DHRSX: variants seen among roughly 807,000 people sequenced by gnomAD.
DHRSX encodes the protein polyprenol dehydrogenase.
DHRSX carries 31 observed loss-of-function variants against 34.0 expected under a neutral mutation model. That is an observed-to-expected ratio of 0.91 (90% CI 0.69 to 1.23). The LOEUF is 1.23. Among genes scored for constraint, DHRSX ranks in the 50% most tolerant of loss-of-function variants. The pLI is 0.00. For synonymous variants in DHRSX, 201 were observed against 183.8 expected (o/e 1.09, Z -0.76); for missense variants, 414 against 428.1 (o/e 0.97, Z 0.29).
intron 3 of DHRSX, among the ~76,000 whole-genome samples, chrX:2,371,683 TTATCACCGCCCCTCCTCCTCC>T (rs2043073548): frequency 1.3e-5 from 1 of 75,972 alleles, no homozygotes; most frequent in Non-Finnish European, 4.4e-5. Flanking sequence ...CCTCCTCCCA[TTATCACCGCCCCTCCTCCTCC>T]CATTATCACA....
intron 5 of DHRSX, among the ~76,000 whole-genome samples, chrX:2,259,377 T>TAGATATAG (rs1569480947): frequency 1.4e-5 from 1 of 69,810 alleles, no homozygotes; most frequent in African/African-American, 7.8e-5. Context: ...TATATATAGA[T>TAGATATAG]ATATATATAG....
At chrX:2,406,870 C>A (rs1234224702) in intron 3 of DHRSX, among the ~76,000 whole-genome samples, 1 of 152,134 alleles carries the variant, frequency 6.6e-6, no homozygotes. Flanking sequence ...TTCCTCAAAT[C>A]ATTAAAAATA....
chrX:2,292,823 G>A (rs938667953), intron 3 of DHRSX, among the ~76,000 whole-genome samples: 2 of 151,634 alleles, frequency 1.3e-5, no homozygotes, highest in African/African-American at 4.8e-5. Flanking sequence ...TAGTAAGTAT[G>A]AGCTCTTCCA....
At position 2,359,532 on chromosome X, in the gene DHRSX, T is replaced by A. The variant is rs763552938; in HGVS notation, c.286+49213A>T. On this transcript the variant is annotated intron_variant, in intron 3 of 6. Transcript: ENST00000334651. ...GTCTCTACTAAAAATACAAAAAAAT[T>A]AGCTGGGCGTGGGGGCGTGCACCTG... Among the ~76,000 whole-genome samples, 388 of 151,988 alleles carry A rather than the reference T, an allele frequency of 2.6e-3. 1 individual carries two copies. Among genetic ancestry groups the A allele is most frequent in the African/African-American group, 8.8e-3 (365 of 41,432 alleles).
chrX:2,397,064 G>A (rs1481510493), intron 3 of DHRSX, among the ~76,000 whole-genome samples: 3 of 152,020 alleles, frequency 2.0e-5, no homozygotes, highest in African/African-American at 2.4e-5. Flanking sequence ...ACAGGGTCGC[G>A]ATCATGGCTC....
At chrX:2,485,058 G>T (rs2044852151) in intron 1 of DHRSX, among the ~76,000 whole-genome samples, 1 of 152,174 alleles carries the variant, frequency 6.6e-6, no homozygotes, top group Non-Finnish European at 1.5e-5. Context: ...AAGTGGGGGG[G>T]AAACAAAAAC....
In DHRSX at chrX:2,367,768, G is replaced by T. The variant is rs753126827; in HGVS notation, c.286+40977C>A. 3.3e-5 allele frequency among the ~76,000 whole-genome samples: 5 copies of T among 152,236 alleles called. 1 individual carries two copies. The South Asian group carries it at 1.0e-3, about 32-fold the overall frequency. On this transcript the variant is annotated intron_variant, in intron 3 of 6. Coordinates refer to ENST00000334651, the MANE Select transcript of DHRSX (RefSeq NM_145177.3). ...TATAACTAATTTAGCAAAACATTAT[G>T]ATTTGATACAACTGGATGGTGGGTA...
intron 5 of DHRSX, among the ~76,000 whole-genome samples, chrX:2,255,331 C>T (rs1216906129): frequency 6.6e-6 from 1 of 152,006 alleles, no homozygotes; most frequent in Non-Finnish European, 1.5e-5. Flanking sequence ...GTCAGCTGTC[C>T]GACATATCTC....
At chrX:2,230,223 ATG>A (rs1208284873) in intron 6 of DHRSX, among the ~76,000 whole-genome samples, 5 of 152,118 alleles carry the variant, frequency 3.3e-5, no homozygotes, top group Admixed American at 6.6e-5. Context: ...GTGTGCATGT[ATG>A]TGTGCATGAG....
At chrX:2,306,849 T>C (rs2042103120) in intron 3 of DHRSX, among the ~76,000 whole-genome samples, 1 of 151,912 alleles carries the variant, frequency 6.6e-6, no homozygotes, top group Non-Finnish European at 1.5e-5. Context: ...TTTTTTAGAA[T>C]CGTTTCAGTC....
chrX:2,255,492 A>C (rs1407846097), intron 5 of DHRSX, among the ~76,000 whole-genome samples: 1 of 152,206 alleles, frequency 6.6e-6, no homozygotes, highest in Non-Finnish European at 1.5e-5. Context: ...GAAGTCACCC[A>C]AAGTTACATA....
At chrX:2,254,423 T>A (rs2041247901) in intron 5 of DHRSX, among the ~76,000 whole-genome samples, 2 of 152,204 alleles carry the variant, frequency 1.3e-5, no homozygotes, top group African/African-American at 4.8e-5. Flanking sequence ...ACAATCACTG[T>A]TTTAATGAGT....
chrX:2,237,914 G>A (rs1406868281), intron 6 of DHRSX, among the ~76,000 whole-genome samples: 2 of 152,094 alleles, frequency 1.3e-5, no homozygotes, highest in African/African-American at 2.4e-5. Flanking sequence ...AGGGGGTACT[G>A]AGTTTCACTG....
chrX:2,489,016 C>A (rs770861922), intron 1 of DHRSX: 1 of 1,611,974 alleles, frequency 6.2e-7, no homozygotes, highest in Non-Finnish European at 8.5e-7. Context: ...GCTCCTCCAC[C>A]ACCTGGGCAT....
chrX:2,459,188 T>G (rs563554393), intron 1 of DHRSX, among the ~76,000 whole-genome samples: 8 of 152,042 alleles, frequency 5.3e-5, no homozygotes, highest in African/African-American at 1.4e-4. Flanking sequence ...ATAAAAGAAA[T>G]AAATTCAAAG....
Position 2,452,371 on chromosome X carries a change from G to C in DHRSX, c.110-27067C>G, listed in dbSNP as rs907356261. 1.1e-3 allele frequency among the ~76,000 whole-genome samples: 171 copies of C among 150,090 alleles called. 1 individual carries two copies. In the Middle Eastern group the frequency reaches 0.018, roughly 16 times the overall value. The stretch of plus-strand genomic sequence containing the variant: ...TCCCTAGGCATGTGGTCAAGGGACC[G>C]CACTGAAGATGTTCCCTAAGCATGT... On this transcript the variant is annotated intron_variant, in intron 1 of 6. Transcript: ENST00000334651.
chrX:2,221,091 G>C lies in DHRSX; in HGVS notation c.943C>G (p.Leu315Val). The C allele has an allele frequency of 1.2e-6, 2 of 1,613,958 alleles. No individual in the cohort carries two copies. Among genetic ancestry groups the C allele is most frequent in the Non-Finnish European group, 1.7e-6 (2 of 1,179,860 alleles). Residue 315 changes from leucine (L) to valine (V), a missense_variant, in exon 7 of 7, where the codon CTG becomes GTG. Physicochemically the swap from Leu to Val is conservative, Grantham distance 32. Transcript: ENST00000334651. ...GTCATCTCACAACTCTTAGACCACA[G>C]CTGCTGCTGCAGTTTCTGGTTGTAG... ...VTYNQKLQQQ[L>V]WSKSCEMTGV...
chrX:2,299,753 G>A (rs1224770965), intron 3 of DHRSX, among the ~76,000 whole-genome samples: 1 of 151,996 alleles, frequency 6.6e-6, no homozygotes, highest in Non-Finnish European at 1.5e-5. Context: ...TACTCGGGAG[G>A]CTGAGGCAGG....
chrX:2,307,212 C>T (rs1016564566), intron 3 of DHRSX, among the ~76,000 whole-genome samples: 16 of 151,976 alleles, frequency 1.1e-4, no homozygotes, highest in Non-Finnish European at 1.3e-4. Flanking sequence ...AACACAGAAA[C>T]GGAAAATTAA....
Sources: gnomAD v4.1 joint callset for allele counts (sites outside exome capture counted in the v4.1 genomes callset) on GRCh38, gnomAD v4.1.1 for gene constraint, MANE v1.5 for transcripts, NCBI Gene and HGNC (gene_info 2026-07-23, HGNC 2026-07-21) for gene names.